ABHD12B: variants seen among roughly 807,000 people sequenced by gnomAD.
ABHD12B encodes the protein abhydrolase domain containing 12B, also known as protein ABHD12B.
ABHD12B carries 42 observed loss-of-function variants against 50.4 expected under a neutral mutation model. That is an observed-to-expected ratio of 0.83 (90% confidence interval 0.65 to 1.08). The LOEUF is 1.08. Ranked by LOEUF, ABHD12B falls within the 50% of genes least tolerant of loss-of-function variation. ABHD12B has a pLI of 0.00. For synonymous variants in ABHD12B, 167 were observed against 160.3 expected (o/e 1.04, Z -0.32); for missense variants, 479 against 447.7 (o/e 1.07, Z -0.63).
chr14:50,902,901 G>A (rs1034390155), intron 10 of ABHD12B, among the ~76,000 whole-genome samples: 3 of 152,174 alleles, frequency 2.0e-5, no homozygotes, highest in African/African-American at 4.8e-5. Flanking sequence ...TTAACTGCAC[G>A]TCCATCCTCT....
At position 50,872,310 on chromosome 14, in the gene ABHD12B, C is replaced by T. The variant is rs1054396955; in HGVS notation, c.104+32C>T. ...ACCGCCCGGTCCACCCCTGGCCGGG[C>T]CCCGACGGCTCAGGCTGCGCGGGGA... On this transcript the variant is annotated intron_variant, in intron 1 of 12. Transcript: ENST00000337334. 44 of 1,255,848 alleles carry T rather than the reference C, an allele frequency of 3.5e-5. No homozygotes were observed. The African/African-American group carries it at 4.5e-4, about 13-fold the overall frequency. The allele number at this position is 1,255,848 out of a possible 1,614,324, so 77.8% of individuals were successfully genotyped here.
In ABHD12B at chr14:50,878,594, G is replaced by C. The variant is rs1042414183; in HGVS notation, c.233-151G>C. ...GCCCCTCCTCTGCAGGCTAGTCCTA[G>C]CTGATAAAATAAAATACTCTGCTAG... is the stretch of plus-strand genomic sequence containing the variant. On this transcript the variant is annotated intron_variant, in intron 2 of 12. Transcript: ENST00000337334. The C allele has an allele frequency of 1.1e-5, 7 of 655,412 alleles. No homozygotes were observed. In the African/African-American group the frequency reaches 1.1e-4, roughly 10 times the overall value. 40.6% of individuals were successfully genotyped at this position (655,412 alleles called of 1,614,324 possible).
At chr14:50,873,267 G>C (rs2049811605) in intron 1 of ABHD12B, among the ~76,000 whole-genome samples, 1 of 151,602 alleles carries the variant, frequency 6.6e-6, no homozygotes, top group South Asian at 2.1e-4. Flanking sequence ...CTGTTGCCCA[G>C]GCTGGAGTGC....
chr14:50,875,990 C>T (rs759697035), intron 1 of ABHD12B, among the ~76,000 whole-genome samples: 11 of 152,088 alleles, frequency 7.2e-5, no homozygotes, highest in Non-Finnish European at 1.3e-4. Context: ...TAGAAGGAAG[C>T]CAGCAGGAGC....
At chr14:50,883,722 C>G (rs1401683063) in intron 5 of ABHD12B, among the ~76,000 whole-genome samples, 3 of 152,244 alleles carry the variant, frequency 2.0e-5, no homozygotes, top group African/African-American at 4.8e-5. Flanking sequence ...ACTTTGCCCC[C>G]AGGCAGATCG....
chr14:50,884,655 T>A (rs2050008197), intron 5 of ABHD12B, among the ~76,000 whole-genome samples: 1 of 151,858 alleles, frequency 6.6e-6, no homozygotes. Flanking sequence ...ACAGTAAAAT[T>A]TTGTCCTTTT....
chr14:50,878,778 CAG>C lies in ABHD12B; in HGVS notation c.269_270del (p.Glu90ValfsTer14). On this transcript the variant is annotated frameshift_variant, in exon 3 of 13. Transcript: ENST00000337334. LOFTEE classifies it high-confidence loss of function. ...CCATTTCTTGTGGATTTAAAGAAAC[CAG>C]AGTTAAAGATTCCTCACACAGTGAA... 6.2e-7 allele frequency: 1 copy of C among 1,613,844 alleles called. No homozygotes were observed. Among genetic ancestry groups the C allele is most frequent in the South Asian group, 1.1e-5 (1 of 91,076 alleles).
At chr14:50,902,049 T>C in intron 10 of ABHD12B, 138 bp downstream of exon 10, 1 of 559,468 alleles carries the variant, frequency 1.8e-6, no homozygotes, top group Non-Finnish European at 3.0e-6. Context: ...CTGCGCTTCT[T>C]AGATGGGCAC....
At chr14:50,882,373 CTTTTTTT>C (rs386381352) in intron 5 of ABHD12B, among the ~76,000 whole-genome samples, 1 of 81,834 alleles carries the variant, frequency 1.2e-5, no homozygotes, top group East Asian at 4.6e-4. Flanking sequence ...AGAATGTCTG[CTTTTTTT>C]TTTTTTTTTT....
chr14:50,904,064 T>C lies in ABHD12B; in HGVS notation c.943-10T>C. 5.6e-6 allele frequency: 9 copies of C among 1,606,190 alleles called. No homozygotes were observed. The highest frequency in any genetic ancestry group is 7.7e-6 in the Non-Finnish European group (9 of 1,174,744). ...TGGCCATCCTTTGAGTCTCTTTCTG[T>C]CGCTTGCAGCTCTATGAAATTGCAC... On this transcript the variant is annotated splice_polypyrimidine_tract_variant and intron_variant, in intron 11 of 12. Coordinates refer to ENST00000337334, the MANE Select transcript of ABHD12B (RefSeq NM_001206673.2).
At chr14:50,886,529 G>A in intron 7 of ABHD12B, 118 bp from the exon 8 acceptor site, 1 of 834,226 alleles carries the variant, frequency 1.2e-6, no homozygotes, top group Non-Finnish European at 1.9e-6. Context: ...TGCAAATTTT[G>A]TGTCTATATG....
intron 9 of ABHD12B, chr14:50,891,630 T>C (rs1029495954): frequency 1.3e-4 from 20 of 152,270 alleles, no homozygotes; most frequent in African/African-American, 4.8e-4. Context: ...AATAAAACTC[T>C]GCTTACCCAA....
Position 50,903,437 on chromosome 14 carries a change from C to T in ABHD12B, c.912C>T (p.Asp304=), listed in dbSNP as rs2050288524. The T allele has an allele frequency of 2.0e-5, 33 of 1,612,610 alleles. No homozygotes were observed. Among genetic ancestry groups the T allele is most frequent in the Non-Finnish European group, 2.7e-5 (32 of 1,179,074 alleles). The change falls in exon 11 of 13, where the codon GAC becomes GAT. Residue 304 remains aspartate, a synonymous_variant. Coordinates refer to ENST00000337334, the MANE Select transcript of ABHD12B (RefSeq NM_001206673.2). ...TTCTCATCTTACATGGAGAGGATGACAGGACAGTGCCTTTGGAGTATGGGA... is the reference window on the plus strand; with the variant it reads ...TTCTCATCTTACATGGAGAGGATGATAGGACAGTGCCTTTGGAGTATGGGA... ...SPLLILHGED[D]RTVPLEYGKK... is the part of the protein sequence containing the mutation.
chr14:50,904,565 T>G lies in ABHD12B; in HGVS notation c.*199T>G, dbSNP rs565674889. The G allele has an allele frequency of 8.9e-6, 6 of 675,718 alleles. No individual in the cohort carries two copies. Among genetic ancestry groups the G allele is most frequent in the Non-Finnish European group, 1.5e-5 (6 of 403,628 alleles). The allele number at this position is 675,718 out of a possible 1,614,324, so 41.9% of individuals were successfully genotyped here. ...TGTTCTTATTTAGCTTATCATAATC[T>G]ACTTTGTAAAACATGCTGAAACCTC... On this transcript the variant is annotated 3_prime_UTR_variant, in exon 13 of 13. Transcript: ENST00000337334.
intron 9 of ABHD12B, among the ~76,000 whole-genome samples, chr14:50,896,787 T>G (rs2050205792): frequency 6.6e-6 from 1 of 152,140 alleles, no homozygotes; most frequent in African/African-American, 2.4e-5. Flanking sequence ...CTGACTCTCT[T>G]TGCGGACTCA....
At chr14:50,872,582 T>C (rs1448006584) in intron 1 of ABHD12B, among the ~76,000 whole-genome samples, 5 of 152,240 alleles carry the variant, frequency 3.3e-5, no homozygotes, top group African/African-American at 1.2e-4. Flanking sequence ...GTTGAATTCC[T>C]ACACCAATCT....
At chr14:50,885,581 A>T in intron 5 of ABHD12B, 33 bp from the exon 6 acceptor site, 1 of 1,613,664 alleles carries the variant, frequency 6.2e-7, no homozygotes, top group South Asian at 1.1e-5. Context: ...TTCATCTTCT[A>T]ATTAAAGTGA....
At position 50,885,827 on chromosome 14, in the gene ABHD12B, C is replaced by T. The variant is rs4365206; in HGVS notation, c.594C>T (p.Val198=). ...EEGLTTDAIC[V]YEWTKARSGI... is the part of the protein sequence containing the mutation. ...GACTGACTACGGATGCCATTTGTGT[C>T]TATGAGTGGACCAAGGCAAGAAGTG... Residue 198 remains valine, a synonymous_variant, in exon 7 of 13, where the codon GTC becomes GTT. Transcript: ENST00000337334. 3 of 1,614,140 alleles carry T rather than the reference C, an allele frequency of 1.9e-6. No individual in the cohort carries two copies. The highest frequency in any genetic ancestry group is 2.5e-6 in the Non-Finnish European group (3 of 1,180,040).
At chr14:50,895,569 C>A (rs1471946077) in intron 9 of ABHD12B, 2 of 152,172 alleles carry the variant, frequency 1.3e-5, no homozygotes, top group Non-Finnish European at 2.9e-5. Flanking sequence ...GGCAGCCACT[C>A]CCAGAGCCCC....
Sources: allele counts gnomAD v4.1 joint callset (sites outside exome capture counted in the v4.1 genomes callset), GRCh38; gene constraint gnomAD v4.1.1; transcripts MANE v1.5; gene names NCBI Gene and HGNC (gene_info 2026-07-23, HGNC 2026-07-21).